STK39: variants seen among roughly 807,000 people sequenced by gnomAD.
The protein encoded by STK39 is STE20/SPS1-related proline-alanine-rich protein kinase.
A neutral mutation model predicts 77.8 loss-of-function variants in STK39; 20 were observed. The ratio of observed to expected loss-of-function variants is 0.26; its 90% CI spans 0.18 to 0.37. The LOEUF (loss-of-function observed/expected upper bound fraction) is 0.37, where lower values mean the gene tolerates loss of function less well. Among genes scored for constraint, STK39 ranks in the 10% least tolerant of loss-of-function variants. The probability of loss-of-function intolerance (pLI) is 1.00; values close to 1 mark genes in which losing one functional copy is unlikely to be tolerated. For missense variants in STK39, 479 were observed against 656.5 expected (o/e 0.73, Z 2.95); for synonymous variants, 246 against 234.1 (o/e 1.05, Z -0.47).
At chr2:167,983,988 G>C (rs1010667949) in intron 16 of STK39, among the ~76,000 whole-genome samples, 5 of 152,180 alleles carry the variant, frequency 3.3e-5, no homozygotes, top group Non-Finnish European at 7.4e-5. Flanking sequence ...GCCCCTCTGT[G>C]CTGGGGGTCA....
intron 10 of STK39, among the ~76,000 whole-genome samples, chr2:168,097,145 A>G (rs1196257095): frequency 1.3e-5 from 2 of 152,216 alleles, no homozygotes; most frequent in African/African-American, 4.8e-5. Flanking sequence ...CTTGGAGATG[A>G]CTGCTTTGAA....
At chr2:168,105,411 CAA>C (rs1186501099) in intron 10 of STK39, among the ~76,000 whole-genome samples, 1 of 152,192 alleles carries the variant, frequency 6.6e-6, no homozygotes, top group African/African-American at 2.4e-5. Context: ...GATAAAATAA[CAA>C]AGTCTGTAGA....
At chr2:168,177,038 T>C (rs985856939) in intron 2 of STK39, among the ~76,000 whole-genome samples, 1 of 152,320 alleles carries the variant, frequency 6.6e-6, no homozygotes, top group East Asian at 1.9e-4. Context: ...TTTTCCAGAA[T>C]GAGCAGTTCT....
At chr2:168,099,839 G>A (rs1686773819) in intron 10 of STK39, among the ~76,000 whole-genome samples, 1 of 152,040 alleles carries the variant, frequency 6.6e-6, no homozygotes, top group African/African-American at 2.4e-5. Flanking sequence ...ACCATAATAG[G>A]AGACCCAAAT....
intron 5 of STK39, among the ~76,000 whole-genome samples, chr2:168,145,270 G>A (rs1688106159): frequency 6.6e-6 from 1 of 152,162 alleles, no homozygotes; most frequent in South Asian, 2.1e-4. Context: ...CAGCAGCCAG[G>A]CAGGAATACA....
At chr2:168,054,885 A>G (rs1685484557) in intron 14 of STK39, among the ~76,000 whole-genome samples, 1 of 152,102 alleles carries the variant, frequency 6.6e-6, no homozygotes, top group African/African-American at 2.4e-5. Context: ...TCCTCTAACT[A>G]CCCATAGCTT....
chr2:167,970,792 G>A (rs543549897), intron 16 of STK39, among the ~76,000 whole-genome samples: 101 of 152,334 alleles, frequency 6.6e-4, no homozygotes, highest in African/African-American at 2.4e-3. Context: ...ACTGCTGAGT[G>A]TTCAAACTGT....
At chr2:167,985,225 T>G (rs1683527049) in intron 16 of STK39, among the ~76,000 whole-genome samples, 1 of 152,210 alleles carries the variant, frequency 6.6e-6, no homozygotes, top group Non-Finnish European at 1.5e-5. Context: ...TTCCCTGATA[T>G]TGTTCTCTTA....
chr2:168,186,211 T>C (rs1689203480), intron 1 of STK39, among the ~76,000 whole-genome samples: 1 of 152,140 alleles, frequency 6.6e-6, no homozygotes, highest in Non-Finnish European at 1.5e-5. Flanking sequence ...AGCAAGAAGG[T>C]GCCTGTTTAC....
intron 17 of STK39, among the ~76,000 whole-genome samples, chr2:167,962,082 A>G (rs1341907155): frequency 6.6e-6 from 1 of 152,162 alleles, no homozygotes; most frequent in African/African-American, 2.4e-5. Flanking sequence ...GAGGTAAAGA[A>G]CCACAGTATC....
chr2:168,001,278 A>G (rs1683993181), intron 16 of STK39, among the ~76,000 whole-genome samples: 1 of 151,920 alleles, frequency 6.6e-6, no homozygotes. Context: ...TCAAAAAAAA[A>G]AAAAAAACAA....
chr2:168,243,325 T>C (rs1266612658), intron 1 of STK39, among the ~76,000 whole-genome samples: 1 of 152,212 alleles, frequency 6.6e-6, no homozygotes, highest in Non-Finnish European at 1.5e-5. Context: ...TGGCCATATG[T>C]GCTATTACCT....
At chr2:168,004,938 T>C (rs1419951103) in intron 16 of STK39, among the ~76,000 whole-genome samples, 3 of 149,464 alleles carry the variant, frequency 2.0e-5, no homozygotes, top group African/African-American at 4.9e-5. Flanking sequence ...TCACAGCTCA[T>C]ACTTTGAGAG....
At chr2:168,233,942 T>C (rs1192435146) in intron 1 of STK39, among the ~76,000 whole-genome samples, 1 of 152,220 alleles carries the variant, frequency 6.6e-6, no homozygotes, top group Non-Finnish European at 1.5e-5. Flanking sequence ...GTCAGTAAGA[T>C]AAAAACTTAT....
At position 168,081,459 on chromosome 2, in the gene STK39, T is replaced by C. The variant is rs1686228785; in HGVS notation, c.1090-6228A>G. On this transcript the variant is annotated intron_variant, in intron 10 of 17. Coordinates refer to ENST00000355999, the MANE Select transcript of STK39 (RefSeq NM_013233.3). ...ATTTGGAACAGCTGTATTTACCCAA[T>C]TCCTGTACCCCCACTGTATCTAGGA... Among the ~76,000 whole-genome samples the C allele has an allele frequency of 3.9e-5, 6 of 152,174 alleles. No individual in the cohort carries two copies. The South Asian group carries it at 1.2e-3, about 32-fold the overall frequency.
intron 16 of STK39, among the ~76,000 whole-genome samples, chr2:167,973,070 T>C (rs1346982554): frequency 1.3e-5 from 2 of 152,188 alleles, no homozygotes; most frequent in Non-Finnish European, 2.9e-5. Flanking sequence ...TCTGTGTAGT[T>C]ATATGTGTTA....
In STK39 at chr2:168,138,020, C is replaced by T. The variant is rs1022204015; in HGVS notation, c.974+68G>A. ...TCCAGTGTCCTCACAAAGCCTTTCC[C>T]CATCTACAAACAAAGCTTTGTCATG... On this transcript the variant is annotated intron_variant, in intron 8 of 17. Coordinates refer to ENST00000355999, the MANE Select transcript of STK39 (RefSeq NM_013233.3). 6 of 1,549,904 alleles carry T rather than the reference C, an allele frequency of 3.9e-6. No individual in the cohort carries two copies. In the African/African-American group the frequency reaches 6.8e-5, roughly 18 times the overall value.
intron 12 of STK39, among the ~76,000 whole-genome samples, chr2:168,068,749 C>CT (rs1182169713): frequency 6.6e-6 from 1 of 152,150 alleles, no homozygotes; most frequent in African/African-American, 2.4e-5. Flanking sequence ...ATAACAACAC[C>CT]TTTTAGAAAG....
intron 16 of STK39, among the ~76,000 whole-genome samples, chr2:167,989,865 AG>A (rs1257650717): frequency 1.3e-5 from 2 of 152,192 alleles, no homozygotes; most frequent in East Asian, 3.8e-4. Flanking sequence ...AGTGATAAGC[AG>A]TAAAAAAAAA....
Sources: gnomAD v4.1 joint callset for allele counts (sites outside exome capture counted in the v4.1 genomes callset) on GRCh38, gnomAD v4.1.1 for gene constraint, MANE v1.5 for transcripts, NCBI Gene and HGNC (gene_info 2026-07-23, HGNC 2026-07-21) for gene names.